TDP1: variants seen among roughly 807,000 people sequenced by gnomAD.
The protein encoded by TDP1 is tyr-DNA phosphodiesterase 1.
TDP1 carries 64 observed loss-of-function variants against 81.5 expected under a neutral mutation model. The observed-to-expected ratio is 0.79, with a 90% CI of 0.64 to 0.97. The LOEUF (loss-of-function observed/expected upper bound fraction) is 0.97, where lower values mean the gene tolerates loss of function less well. Among genes scored for constraint, TDP1 ranks in the 50% least tolerant of loss-of-function variants. The pLI is 0.00. For synonymous variants in TDP1, 256 were observed against 264.3 expected, an observed-to-expected ratio of 0.97 and a Z score of 0.30; for missense variants, 723 against 743.8, an observed-to-expected ratio of 0.97 and a Z score of 0.33.
Position 89,967,275 on chromosome 14 carries a change from G to A in TDP1, c.604-92G>A. ...ACATGTAGTGTATCACTATTTTAGA[G>A]TTTCCTTAAATGTAATAACTAAACA... On this transcript the variant is annotated intron_variant, in intron 4 of 16. Coordinates refer to ENST00000335725, the MANE Select transcript of TDP1 (RefSeq NM_018319.4). 3 of 1,408,128 alleles carry A rather than the reference G, an allele frequency of 2.1e-6. No individual in the cohort carries two copies. The South Asian group carries it at 3.5e-5, about 16-fold the overall frequency. The allele number at this position is 1,408,128 out of a possible 1,614,324, so 87.2% of individuals were successfully genotyped here. A position where few individuals can be genotyped will look rare whatever the true frequency, so the allele number is the denominator to read the frequency against.
intron 16 of TDP1, among the ~76,000 whole-genome samples, chr14:90,037,792 T>C (rs1012081161): frequency 6.6e-6 from 1 of 151,740 alleles, no homozygotes; most frequent in Non-Finnish European, 1.5e-5. Context: ...TCCAAAACTG[T>C]ATTCAAATTT....
At chr14:90,037,490 T>C (rs1887936289) in intron 16 of TDP1, among the ~76,000 whole-genome samples, 1 of 152,214 alleles carries the variant, frequency 6.6e-6, no homozygotes, top group Non-Finnish European at 1.5e-5. Context: ...AATACACATA[T>C]GAGTACTTAT....
chr14:89,970,718 TG>T (rs1414494735), intron 5 of TDP1: 30 of 512,802 alleles, frequency 5.9e-5, no homozygotes, highest in Middle Eastern at 1.0e-3. Context: ...TTCACTGCTC[TG>T]TGTTAGCCCT....
chr14:89,997,680 G>C (rs80220013), intron 14 of TDP1, among the ~76,000 whole-genome samples: 185 of 152,238 alleles, frequency 1.2e-3, no homozygotes, highest in African/African-American at 4.3e-3. Context: ...CATATCAGGT[G>C]GGCTTTTCAT....
chr14:90,002,999 A>G (rs147389552), intron 14 of TDP1, among the ~76,000 whole-genome samples: 3,353 of 152,040 alleles, frequency 0.022, 109 homozygotes, highest in African/African-American at 0.073. Flanking sequence ...GTGCAGTGGC[A>G]TGATTTCGGC....
intron 14 of TDP1, among the ~76,000 whole-genome samples, chr14:89,994,848 G>A (rs529293222): frequency 2.6e-4 from 40 of 152,310 alleles, no homozygotes; most frequent in Non-Finnish European, 4.7e-4. Context: ...GAACTAGTGA[G>A]GACAAAGGCC....
At chr14:90,016,074 C>T (rs1274293187) in intron 14 of TDP1, among the ~76,000 whole-genome samples, 3 of 141,600 alleles carry the variant, frequency 2.1e-5, no homozygotes, top group Admixed American at 7.2e-5. Context: ...GGAGTTGTTT[C>T]GCTCTTATTG....
At chr14:90,003,271 CTATTT>C (rs1412071998) in intron 14 of TDP1, among the ~76,000 whole-genome samples, 1 of 152,200 alleles carries the variant, frequency 6.6e-6, no homozygotes, top group African/African-American at 2.4e-5. Flanking sequence ...CACAATTACT[CTATTT>C]AATCAGGACA....
At chr14:89,986,755 A>C (rs1895613814) in intron 10 of TDP1, among the ~76,000 whole-genome samples, 1 of 152,186 alleles carries the variant, frequency 6.6e-6, no homozygotes, top group African/African-American at 2.4e-5. Flanking sequence ...TCTGTTTCCT[A>C]CACCATGCTG....
At chr14:89,982,630 A>G (rs1299496525) in intron 8 of TDP1, among the ~76,000 whole-genome samples, 2 of 152,150 alleles carry the variant, frequency 1.3e-5, no homozygotes, top group Non-Finnish European at 1.5e-5. Context: ...AGGCAGGGAT[A>G]AGGGCTTGGG....
intron 2 of TDP1, among the ~76,000 whole-genome samples, chr14:89,958,707 G>A (rs749153494): frequency 5.3e-5 from 8 of 152,188 alleles, no homozygotes; most frequent in African/African-American, 7.2e-5. Context: ...TTATCAATCC[G>A]GTCCGTGGAT....
In TDP1 at chr14:90,027,167, T is replaced by C. The variant is rs563444555; in HGVS notation, c.1645-5939T>C. On this transcript the variant is annotated intron_variant, in intron 15 of 16. Transcript: ENST00000335725. ...GATCGCCATTCTAACTGGTGTGAGA[T>C]GGTATCTCATTGTGGTTTTGATTTC... 2.0e-3 allele frequency among the ~76,000 whole-genome samples: 304 copies of C among 152,278 alleles called. 1 individual carries two copies. Among genetic ancestry groups the C allele is most frequent in the Middle Eastern group, 6.8e-3 (2 of 294 alleles).
In TDP1 at chr14:89,980,584, T is replaced by C. The variant is rs780290228; in HGVS notation, c.836T>C (p.Ile279Thr). The change falls in exon 8 of 17, where the codon ATA (isoleucine) becomes ACA (threonine). Residue 279 changes from isoleucine to threonine, a missense_variant. Transcript: ENST00000335725. ...LLYEEGLRVV[I>T]HTSNLIHADW... The stretch of plus-strand genomic sequence containing the variant: ...TATGAAGAAGGCCTCCGGGTTGTCA[T>C]ACACACCTCCAACCTCATCCATGCT... 1.9e-6 allele frequency: 3 copies of C among 1,614,196 alleles called. No individual in the cohort carries two copies. Among genetic ancestry groups the C allele is most frequent in the Non-Finnish European group, 2.5e-6 (3 of 1,180,038 alleles).
intron 10 of TDP1, among the ~76,000 whole-genome samples, chr14:89,987,870 A>C (rs1449496436): frequency 6.6e-6 from 1 of 152,130 alleles, no homozygotes; most frequent in Non-Finnish European, 1.5e-5. Flanking sequence ...ATAATTGAAA[A>C]AATACATTTT....
In TDP1 at chr14:89,963,156, T is replaced by C; in HGVS notation, c.42T>C (p.Ser14=). ...ATTATGGGAGGTGGACCATATCTAG[T>C]AGTGATGAAAGTGAGGAAGAAAAGC... is the stretch of plus-strand genomic sequence containing the variant. ...EGDYGRWTIS[S]SDESEEEKPK... is the part of the protein sequence containing the mutation. Residue 14 remains serine, a synonymous_variant, in exon 3 of 17, where the codon AGT becomes AGC. Transcript: ENST00000335725. 6.2e-7 allele frequency: 1 copy of C among 1,614,078 alleles called. No homozygotes were observed. The highest frequency in any genetic ancestry group is 8.5e-7 in the Non-Finnish European group (1 of 1,180,018).
At chr14:89,970,824 T>C in intron 5 of TDP1, 1 of 820,988 alleles carries the variant, frequency 1.2e-6, no homozygotes, top group Non-Finnish European at 1.5e-6. Context: ...ATGATGTATT[T>C]TAATTAATTT....
intron 14 of TDP1, among the ~76,000 whole-genome samples, chr14:90,000,191 C>A (rs1897068612): frequency 6.6e-6 from 1 of 152,188 alleles, no homozygotes; most frequent in Non-Finnish European, 1.5e-5. Context: ...TGGGATGCTT[C>A]TTGGAGACCA....
intron 6 of TDP1, among the ~76,000 whole-genome samples, chr14:89,971,542 C>T (rs1893668657): frequency 6.6e-6 from 1 of 152,236 alleles, no homozygotes; most frequent in African/African-American, 2.4e-5. Context: ...TGGAGCCACA[C>T]AGAATAAGTA....
At chr14:89,975,592 T>G (rs1894206868) in intron 6 of TDP1, 189 bp from the exon 7 acceptor site, 4 of 734,192 alleles carry the variant, frequency 5.4e-6, no homozygotes, top group South Asian at 1.2e-4. Context: ...TTTTTTTTTT[T>G]TTTTTTTTTA....
Sources: gnomAD v4.1 joint callset for allele counts (sites outside exome capture counted in the v4.1 genomes callset) on GRCh38, gnomAD v4.1.1 for gene constraint, MANE v1.5 for transcripts, NCBI Gene and HGNC (gene_info 2026-07-23, HGNC 2026-07-21) for gene names.